MBNL1: variants seen among roughly 807,000 people sequenced by gnomAD.
MBNL1 encodes muscleblind-like protein 1.
Under a neutral mutation model 42.2 loss-of-function variants are expected in MBNL1, and 8 were observed. The ratio of observed to expected loss-of-function variants is 0.19; its 90% CI spans 0.11 to 0.34. The LOEUF (loss-of-function observed/expected upper bound fraction) is 0.34, where lower values mean the gene tolerates loss of function less well. Among genes scored for constraint, MBNL1 ranks in the 10% least tolerant of loss-of-function variants. The pLI, the probability that MBNL1 is intolerant of heterozygous loss-of-function variation, is 1.00. For missense variants in MBNL1, 309 were observed against 495.3 expected, an observed-to-expected ratio of 0.62 and a Z score of 3.57; for synonymous variants, 169 against 173.9, an observed-to-expected ratio of 0.97 and a Z score of 0.22.
chr3:152,281,146 C>T (rs371640237), intron 1 of MBNL1, among the ~76,000 whole-genome samples: 4 of 152,130 alleles, frequency 2.6e-5, no homozygotes, highest in African/African-American at 9.7e-5. Flanking sequence ...AGCTCTTACA[C>T]AATTCTGTGT....
intron 2 of MBNL1, among the ~76,000 whole-genome samples, chr3:152,327,628 C>T (rs749604502): frequency 1.3e-5 from 2 of 152,180 alleles, no homozygotes; most frequent in Non-Finnish European, 2.9e-5. Flanking sequence ...GGATTATAGG[C>T]TTAAGCCACT....
chr3:152,273,453 G>A (rs902004118), intron 1 of MBNL1, among the ~76,000 whole-genome samples: 10 of 151,918 alleles, frequency 6.6e-5, no homozygotes, highest in Admixed American at 2.6e-4. Flanking sequence ...TCAGATAATC[G>A]TTCATGTTTT....
chr3:152,291,338 G>A (rs530349366), intron 1 of MBNL1, among the ~76,000 whole-genome samples: 14 of 152,150 alleles, frequency 9.2e-5, no homozygotes, highest in African/African-American at 2.7e-4. Context: ...AATCTGTTTC[G>A]AATATTCCAT....
At chr3:152,360,500 T>A (rs975071584) in intron 2 of MBNL1, among the ~76,000 whole-genome samples, 2 of 152,104 alleles carry the variant, frequency 1.3e-5, no homozygotes, top group African/African-American at 2.4e-5. Flanking sequence ...TCCCCATCTC[T>A]CTCTGTCCTT....
intron 2 of MBNL1, among the ~76,000 whole-genome samples, chr3:152,362,061 A>G (rs1366035447): frequency 6.6e-6 from 1 of 152,214 alleles, no homozygotes; most frequent in African/African-American, 2.4e-5. Flanking sequence ...AAAGGACTAG[A>G]TGTCATTTAG....
At chr3:152,360,435 T>A (rs2095848980) in intron 2 of MBNL1, among the ~76,000 whole-genome samples, 1 of 152,204 alleles carries the variant, frequency 6.6e-6, no homozygotes, top group African/African-American at 2.4e-5. Flanking sequence ...AATCCCTCCC[T>A]GCCTGTGCCA....
intron 1 of MBNL1, among the ~76,000 whole-genome samples, chr3:152,278,331 T>A (rs2046443708): frequency 1.3e-5 from 2 of 152,250 alleles, no homozygotes; most frequent in Admixed American, 6.5e-5. Flanking sequence ...TTTAAGAGGT[T>A]TGATAAGCAT....
At chr3:152,285,779 T>G (rs1476918971) in intron 1 of MBNL1, among the ~76,000 whole-genome samples, 1 of 151,836 alleles carries the variant, frequency 6.6e-6, no homozygotes, top group Non-Finnish European at 1.5e-5. Context: ...TGCACCACCA[T>G]GCCTGGCTAA....
At chr3:152,312,797 G>A (rs888119408) in intron 2 of MBNL1, among the ~76,000 whole-genome samples, 58 of 152,016 alleles carry the variant, frequency 3.8e-4, no homozygotes, top group African/African-American at 1.3e-3. Context: ...ACTTTTTATT[G>A]TGTTTTGGTA....
At chr3:152,286,438 TTATATTTTATTTATAATATAAA>T (rs879328108) in intron 1 of MBNL1, among the ~76,000 whole-genome samples, 28,695 of 98,016 alleles carry the variant, frequency 0.29, 7,715 homozygotes, top group East Asian at 0.46. Flanking sequence ...ATATAAATAT[TTATATTTTATTTATAATATAAA>T]TATATTTTAT....
chr3:152,287,516 T>G (rs1405655475), intron 1 of MBNL1, among the ~76,000 whole-genome samples: 2 of 152,132 alleles, frequency 1.3e-5, no homozygotes, highest in African/African-American at 4.8e-5. Flanking sequence ...TGCCAAAATT[T>G]AATGGAATTA....
chr3:152,256,323 A>G lies in MBNL1; in HGVS notation n.333+11883A>G, dbSNP rs74834446. Among the ~76,000 whole-genome samples, 322 of 152,282 alleles carry G rather than the reference A, an allele frequency of 2.1e-3. 3 individuals are homozygous for G. Among genetic ancestry groups the G allele is most frequent in the African/African-American group, 6.9e-3 (288 of 41,562 alleles). ...GGAATAATTGACTCTAATCTTGGCC[A>G]TTTGAAGATATGTACACTGATTTCT... On this transcript the variant is annotated intron_variant and non_coding_transcript_variant, in intron 2 of 2. Transcript: ENST00000477171.
At chr3:152,398,390 A>G (rs2098078617) in intron 2 of MBNL1, among the ~76,000 whole-genome samples, 1 of 152,144 alleles carries the variant, frequency 6.6e-6, no homozygotes, top group Non-Finnish European at 1.5e-5. Flanking sequence ...AGGAGAGGTT[A>G]GGATTCTTTT....
chr3:152,270,475 A>G (rs1243604833), intron 1 of MBNL1, among the ~76,000 whole-genome samples: 1 of 152,002 alleles, frequency 6.6e-6, no homozygotes, highest in Non-Finnish European at 1.5e-5. Flanking sequence ...CAAGAGAGCC[A>G]CTCCACAGTT....
chr3:152,370,752 T>C (rs2096623152), intron 2 of MBNL1, among the ~76,000 whole-genome samples: 1 of 152,214 alleles, frequency 6.6e-6, no homozygotes, highest in Admixed American at 6.5e-5. Context: ...CATTATGTAA[T>C]GCCCTTCTTT....
intron 1 of MBNL1, among the ~76,000 whole-genome samples, chr3:152,297,405 G>T (rs932562179): frequency 6.7e-6 from 1 of 148,704 alleles, no homozygotes; most frequent in Non-Finnish European, 1.5e-5. Flanking sequence ...GTGCAGTGGC[G>T]CAATCTCGGC....
chr3:152,456,946 C>T (rs535849290), intron 8 of MBNL1, among the ~76,000 whole-genome samples: 2 of 152,056 alleles, frequency 1.3e-5, no homozygotes, highest in Admixed American at 6.5e-5. Context: ...CCTAAGCGCT[C>T]TTATTTTTAT....
intron 9 of MBNL1, among the ~76,000 whole-genome samples, chr3:152,461,822 A>G (rs1169015686): frequency 6.6e-6 from 1 of 152,214 alleles, no homozygotes; most frequent in Non-Finnish European, 1.5e-5. Context: ...ATAATTCTGT[A>G]ATTCAAAAAG....
intron 3 of MBNL1, among the ~76,000 whole-genome samples, chr3:152,425,394 C>T (rs2098908760): frequency 6.6e-6 from 1 of 151,900 alleles, no homozygotes; most frequent in South Asian, 2.1e-4. Context: ...GAGGCCAGGG[C>T]AGCCGAGATC....
Sources: allele counts gnomAD v4.1 joint callset (sites outside exome capture counted in the v4.1 genomes callset), GRCh38; gene constraint gnomAD v4.1.1; transcripts MANE v1.5; gene names NCBI Gene and HGNC (gene_info 2026-07-23, HGNC 2026-07-21).